Variants in NALCN observed in about 807,000 individuals in gnomAD.
NALCN encodes the protein sodium leak channel, non-selective.
In NALCN, 111 loss-of-function variants were observed where a neutral mutation model predicts 225.3. The ratio of observed to expected loss-of-function variants is 0.49; its 90% CI spans 0.42 to 0.58. The LOEUF is 0.58. NALCN is among the 20% of genes least tolerant of loss of function. The pLI is 0.00. For missense variants in NALCN, 1,378 were observed against 2,202.4 expected, an observed-to-expected ratio of 0.63 and a Z score of 7.49; for synonymous variants, 764 against 769.0, an observed-to-expected ratio of 0.99 and a Z score of 0.11.
chr13:101,087,150 C>T (rs2033973381), intron 30 of NALCN, among the ~76,000 whole-genome samples: 1 of 151,942 alleles, frequency 6.6e-6, no homozygotes, highest in Admixed American at 6.6e-5. Context: ...ATCTATATTA[C>T]TAATATAGAC....
At chr13:101,076,329 G>C (rs2033250725) in intron 34 of NALCN, among the ~76,000 whole-genome samples, 1 of 152,206 alleles carries the variant, frequency 6.6e-6, no homozygotes, top group South Asian at 2.1e-4. Context: ...TGGTGGAAAA[G>C]ATTGCCAGAA....
chr13:101,379,348 T>C (rs894185458), intron 3 of NALCN, among the ~76,000 whole-genome samples: 12 of 152,108 alleles, frequency 7.9e-5, no homozygotes, highest in Admixed American at 3.9e-4. Flanking sequence ...CCATTTGACC[T>C]AGCAATCCCA....
chr13:101,287,593 G>A (rs1269808027), intron 9 of NALCN, among the ~76,000 whole-genome samples: 2 of 152,174 alleles, frequency 1.3e-5, no homozygotes, highest in Non-Finnish European at 2.9e-5. Flanking sequence ...TTAGACTAGT[G>A]CAGATCTCAA....
chr13:101,137,359 C>T (rs748532470), intron 17 of NALCN, among the ~76,000 whole-genome samples: 12 of 151,464 alleles, frequency 7.9e-5, no homozygotes, highest in Non-Finnish European at 1.0e-4. Context: ...TGTGTTCGTT[C>T]GTTCATTTGT....
intron 10 of NALCN, among the ~76,000 whole-genome samples, chr13:101,276,153 G>A (rs545622351): frequency 4.1e-5 from 6 of 147,876 alleles, no homozygotes; most frequent in Non-Finnish European, 7.4e-5. Flanking sequence ...AGATGAGAAA[G>A]AGCCAGAAAG....
At chr13:101,224,148 C>T (rs975912355) in intron 13 of NALCN, among the ~76,000 whole-genome samples, 2 of 152,190 alleles carry the variant, frequency 1.3e-5, no homozygotes, top group African/African-American at 4.8e-5. Flanking sequence ...AAAACCCCTT[C>T]AGCCTTCTCT....
At chr13:101,324,243 T>C (rs2044860499) in intron 7 of NALCN, among the ~76,000 whole-genome samples, 1 of 152,090 alleles carries the variant, frequency 6.6e-6, no homozygotes, top group Non-Finnish European at 1.5e-5. Context: ...TAGAAACAAC[T>C]CATACTACTG....
Position 101,089,965 on chromosome 13 carries a change from C to T in NALCN, c.3271G>A (p.Ala1091Thr). The T allele has an allele frequency of 1.2e-6, 2 of 1,613,892 alleles. No homozygotes were observed. The highest frequency in any genetic ancestry group is 1.7e-6 in the Non-Finnish European group (2 of 1,179,852). ...TCGAAATTAAAGTTCCGAGGATTCG[C>T]CCTGCGATTCCAATACAGGAATGTT... ...KPGFWVPRVW[A>T]NPRNFNFDNV... Residue 1091 changes from alanine to threonine, a missense_variant and splice_region_variant, in exon 29 of 44, where the codon GCG (alanine) becomes ACG (threonine). Ala to Thr is a moderately conservative substitution (Grantham distance 58). This residue lies in a region of NALCN where 292 missense variants were observed against 409.5 expected (regional missense o/e 0.71). Transcript: ENST00000251127. This position sits in a 1 kb window ranked among gnomAD's most constrained non-coding sequence, Gnocchi z 4.7.
At chr13:101,161,157 C>T (rs537789273) in intron 15 of NALCN, among the ~76,000 whole-genome samples, 1 of 152,264 alleles carries the variant, frequency 6.6e-6, no homozygotes, top group East Asian at 1.9e-4. Context: ...GTTCATTGAC[C>T]TACGCCACAT....
chr13:101,349,759 C>T (rs1363221449), intron 6 of NALCN, among the ~76,000 whole-genome samples: 1 of 152,294 alleles, frequency 6.6e-6, no homozygotes, highest in South Asian at 2.1e-4. Context: ...CATGATTTCT[C>T]AATTCTCTGT....
intron 1 of NALCN, among the ~76,000 whole-genome samples, chr13:101,404,904 T>C (rs1456723403): frequency 6.6e-6 from 1 of 152,238 alleles, no homozygotes; most frequent in Non-Finnish European, 1.5e-5. Context: ...TGAGCTGATA[T>C]AAGCACAGCT....
At chr13:101,296,252 G>A (rs2043751278) in intron 7 of NALCN, among the ~76,000 whole-genome samples, 2 of 152,198 alleles carry the variant, frequency 1.3e-5, no homozygotes, top group Admixed American at 6.5e-5. Flanking sequence ...AGACACTGAG[G>A]AGCACTCAAA....
chr13:101,164,179 C>T (rs1159569375), intron 15 of NALCN, among the ~76,000 whole-genome samples: 1 of 152,198 alleles, frequency 6.6e-6, no homozygotes, highest in African/African-American at 2.4e-5. Context: ...GAATTCCACT[C>T]ATATCAGGAG....
chr13:101,404,411 G>A (rs901223417), intron 1 of NALCN, among the ~76,000 whole-genome samples: 1 of 152,072 alleles, frequency 6.6e-6, no homozygotes, highest in African/African-American at 2.4e-5. Context: ...AGTAATACAG[G>A]TTTGTTGTAG....
At chr13:101,390,634 C>T (rs1018895641) in intron 3 of NALCN, among the ~76,000 whole-genome samples, 2 of 151,836 alleles carry the variant, frequency 1.3e-5, no homozygotes, top group African/African-American at 2.4e-5. Flanking sequence ...AGTCTCTTTC[C>T]GTATTCAGGA....
rs1226209580 is a variant in NALCN, at chr13:101,292,831, C to T, written c.800-465G>A. On this transcript the variant is annotated intron_variant, in intron 7 of 43. Transcript: ENST00000251127. The surrounding 1 kb of genome is among the most constrained non-coding windows in gnomAD (Gnocchi z 4.3). ...CTTTCTCACAGGGAGAGTAAAGTATCTCAGGCTCCACAATTGATATGATGG... is the reference window on the plus strand; with the variant it reads ...CTTTCTCACAGGGAGAGTAAAGTATTTCAGGCTCCACAATTGATATGATGG... Among the ~76,000 whole-genome samples, 2 of 152,160 alleles carry T rather than the reference C, an allele frequency of 1.3e-5. No individual in the cohort carries two copies. Among genetic ancestry groups the T allele is most frequent in the Admixed American group, 6.5e-5 (1 of 15,278 alleles).
At chr13:101,409,253 G>A (rs1335479157) in intron 1 of NALCN, among the ~76,000 whole-genome samples, 2 of 152,086 alleles carry the variant, frequency 1.3e-5, no homozygotes, top group East Asian at 1.9e-4. Context: ...GAACTGGGTC[G>A]TATTTTTGTC....
chr13:101,087,319 C>T lies in NALCN; in HGVS notation c.3489+2344G>A, dbSNP rs1468584481. On this transcript the variant is annotated intron_variant, in intron 30 of 43. Transcript: ENST00000251127. ...GGTATGACTATTAAGATGTGTGCTC[C>T]ATGAGGGCAAATAACTTTTCTGTGT... Among the ~76,000 whole-genome samples the T allele has an allele frequency of 2.0e-5, 3 of 152,020 alleles. No individual in the cohort carries two copies. The East Asian group carries it at 5.8e-4, about 29-fold the overall frequency.
chr13:101,196,715 G>A (rs2039904766), intron 13 of NALCN, among the ~76,000 whole-genome samples: 1 of 152,122 alleles, frequency 6.6e-6, no homozygotes, highest in African/African-American at 2.4e-5. Context: ...AATTCAGGTA[G>A]GTTCAGGAAA....
Sources: gnomAD v4.1 joint callset for allele counts (sites outside exome capture counted in the v4.1 genomes callset) on GRCh38, gnomAD v4.1.1 for gene constraint, gnomAD v4.1.1 regional missense constraint, Gnocchi (gnomAD v3.1) non-coding constraint, MANE v1.5 for transcripts, NCBI Gene and HGNC (gene_info 2026-07-23, HGNC 2026-07-21) for gene names.